RASGRF2: variants seen among roughly 807,000 people sequenced by gnomAD.
The protein encoded by RASGRF2 is ras-specific guanine nucleotide-releasing factor 2.
In RASGRF2, 76 loss-of-function variants were observed where a neutral mutation model predicts 151.0. The ratio of observed to expected loss-of-function variants is 0.50; its 90% CI spans 0.42 to 0.61. The LOEUF (loss-of-function observed/expected upper bound fraction) is 0.61. Among genes scored for constraint, RASGRF2 ranks in the 20% least tolerant of loss-of-function variants. RASGRF2 has a pLI of 0.00. For synonymous variants in RASGRF2, 504 were observed against 566.5 expected (o/e 0.89, Z 1.57); for missense variants, 1,148 against 1,564.6 (o/e 0.73, Z 4.49).
intron 17 of RASGRF2, among the ~76,000 whole-genome samples, chr5:81,158,056 C>A (rs899415188): frequency 2.6e-5 from 4 of 152,120 alleles, no homozygotes; most frequent in Non-Finnish European, 5.9e-5. Flanking sequence ...GCAAAGGACT[C>A]AAAATAGCCA....
chr5:81,120,778 A>G (rs1311302774), intron 15 of RASGRF2, among the ~76,000 whole-genome samples: 1 of 152,186 alleles, frequency 6.6e-6, no homozygotes, highest in Non-Finnish European at 1.5e-5. Flanking sequence ...CAGGAATATA[A>G]TCAATTATTG....
chr5:81,078,346 A>G (rs72635628), intron 5 of RASGRF2, among the ~76,000 whole-genome samples: 19,076 of 152,084 alleles, frequency 0.13, 1,792 homozygotes, highest in East Asian at 0.43. Flanking sequence ...TATTCCTTCT[A>G]TCTAACTGTA....
intron 4 of RASGRF2, among the ~76,000 whole-genome samples, chr5:81,071,369 A>G (rs1470585481): frequency 6.6e-6 from 1 of 152,198 alleles, no homozygotes; most frequent in Non-Finnish European, 1.5e-5. Flanking sequence ...TGGACACTTT[A>G]AAGATGATCA....
chr5:81,019,847 G>A (rs575118949), intron 1 of RASGRF2, among the ~76,000 whole-genome samples: 30 of 152,244 alleles, frequency 2.0e-4, no homozygotes, highest in African/African-American at 5.5e-4. Context: ...AGTGATACAC[G>A]TTTGTTATAA....
intron 12 of RASGRF2, among the ~76,000 whole-genome samples, chr5:81,105,520 G>C (rs966053938): frequency 6.6e-6 from 1 of 152,148 alleles, no homozygotes; most frequent in Admixed American, 6.5e-5. Flanking sequence ...GTTCTTGATG[G>C]TGCAGTCATT....
chr5:81,168,330 A>ATTTT (rs1754563594), intron 17 of RASGRF2, among the ~76,000 whole-genome samples: 1 of 27,860 alleles, frequency 3.6e-5, no homozygotes, highest in African/African-American at 1.3e-4. Flanking sequence ...TTTTTTTTTA[A>ATTTT]GACAGAGTCT....
chr5:81,182,437 C>T (rs949749773), intron 18 of RASGRF2, among the ~76,000 whole-genome samples: 2 of 152,190 alleles, frequency 1.3e-5, no homozygotes, highest in African/African-American at 4.8e-5. Flanking sequence ...TATGAGTACA[C>T]GACCGTGTGC....
chr5:80,980,277 C>G (rs909788675), intron 1 of RASGRF2, among the ~76,000 whole-genome samples: 3 of 152,144 alleles, frequency 2.0e-5, no homozygotes, highest in African/African-American at 7.2e-5. Flanking sequence ...GGCCCACCAG[C>G]CCTTCTCCAT....
In RASGRF2 at chr5:81,091,945, G is replaced by T. The variant is rs557979012; in HGVS notation, c.1391-856G>T. On this transcript the variant is annotated intron_variant, in intron 9 of 26. Coordinates refer to ENST00000265080, the MANE Select transcript of RASGRF2 (RefSeq NM_006909.3). Reference sequence around the variant, plus strand: ...AATGTAAGAAATTTGACTATCTCAGGGCACTTCAGAAGTCAGAATCAAGAG... The same window carrying T: ...AATGTAAGAAATTTGACTATCTCAGTGCACTTCAGAAGTCAGAATCAAGAG... Among the ~76,000 whole-genome samples, 7 of 152,244 alleles carry T rather than the reference G, an allele frequency of 4.6e-5. No homozygotes were observed. The East Asian group carries it at 1.2e-3, about 25-fold the overall frequency.
intron 18 of RASGRF2, among the ~76,000 whole-genome samples, chr5:81,190,127 C>T (rs1007327856): frequency 1.3e-5 from 2 of 152,238 alleles, no homozygotes; most frequent in African/African-American, 4.8e-5. Context: ...CCACCAGGCA[C>T]ACACCAGTGT....
intron 1 of RASGRF2, among the ~76,000 whole-genome samples, chr5:80,992,581 C>T (rs907838518): frequency 6.6e-6 from 1 of 152,084 alleles, no homozygotes; most frequent in Non-Finnish European, 1.5e-5. Context: ...CCAGGATAAG[C>T]CTCAGGGTAA....
At chr5:81,156,023 G>A (rs1754253721) in intron 17 of RASGRF2, among the ~76,000 whole-genome samples, 1 of 152,082 alleles carries the variant, frequency 6.6e-6, no homozygotes, top group Admixed American at 6.5e-5. Context: ...GGTACTTTAT[G>A]TTCCCCTGTC....
chr5:80,984,934 G>A (rs1388080885), intron 1 of RASGRF2, among the ~76,000 whole-genome samples: 1 of 152,242 alleles, frequency 6.6e-6, no homozygotes, highest in Non-Finnish European at 1.5e-5. Context: ...AAAGAGGCCT[G>A]TGTAGTGGCT....
chr5:81,186,234 C>A (rs576155461), intron 18 of RASGRF2, among the ~76,000 whole-genome samples: 2 of 152,162 alleles, frequency 1.3e-5, no homozygotes, highest in Non-Finnish European at 2.9e-5. Context: ...CAATAAACTT[C>A]AGTGTGTAGG....
intron 1 of RASGRF2, among the ~76,000 whole-genome samples, chr5:81,024,633 C>G (rs1312870127): frequency 5.3e-5 from 8 of 152,116 alleles, no homozygotes. Flanking sequence ...ACGGAATAAG[C>G]AGGACTGTGG....
rs182600658 is a variant in RASGRF2, at chr5:80,969,603, C to T, written c.288+8577C>T. Among the ~76,000 whole-genome samples, 390 of 150,896 alleles carry T rather than the reference C, an allele frequency of 2.6e-3. 1 individual carries two copies. Among genetic ancestry groups the T allele is most frequent in the African/African-American group, 7.6e-3 (311 of 40,768 alleles). ...AGCTGGGACTACAGGCACCCGCCAC[C>T]ACGCCCGGCTAATTTTTTTTTGTAT... is the stretch of plus-strand genomic sequence containing the variant. On this transcript the variant is annotated intron_variant, in intron 1 of 26. Coordinates refer to ENST00000265080, the MANE Select transcript of RASGRF2 (RefSeq NM_006909.3).
intron 17 of RASGRF2, among the ~76,000 whole-genome samples, chr5:81,177,814 G>C (rs561249505): frequency 1.2e-4 from 19 of 152,280 alleles, no homozygotes; most frequent in African/African-American, 4.6e-4. Flanking sequence ...TAAGTGAAAA[G>C]AGGAGTGATA....
chr5:81,039,304 A>G (rs1440932517), intron 1 of RASGRF2, among the ~76,000 whole-genome samples: 2 of 152,166 alleles, frequency 1.3e-5, no homozygotes, highest in Non-Finnish European at 2.9e-5. Flanking sequence ...CTAAAATATA[A>G]AAAGAGAACA....
intron 17 of RASGRF2, among the ~76,000 whole-genome samples, chr5:81,163,154 G>T (rs12697915): frequency 0.88 from 133,607 of 152,090 alleles, 58,994 homozygotes; most frequent in African/African-American, 0.97. Context: ...GCCACCCTAT[G>T]GCAGGAGAGT....
Sources: gnomAD v4.1 joint callset for allele counts (sites outside exome capture counted in the v4.1 genomes callset) on GRCh38, gnomAD v4.1.1 for gene constraint, MANE v1.5 for transcripts, NCBI Gene and HGNC (gene_info 2026-07-23, HGNC 2026-07-21) for gene names.